The following TBCK variants were observed in gnomAD, a reference collection of about 807,000 sequenced individuals.
The protein encoded by TBCK is TBC domain-containing protein kinase-like protein.
A neutral mutation model predicts 113.4 loss-of-function variants in TBCK; 99 were observed. The ratio of observed to expected loss-of-function variants is 0.87; its 90% CI spans 0.74 to 1.03. The LOEUF is 1.03. TBCK is among the 50% of genes least tolerant of loss of function. TBCK has a pLI of 0.00. For synonymous variants in TBCK, 369 were observed against 370.8 expected, an observed-to-expected ratio of 1.00 and a Z score of 0.05; for missense variants, 1,045 against 1,061.3, an observed-to-expected ratio of 0.98 and a Z score of 0.21.
chr4:106,248,777 C>T (rs923761523), intron 8 of TBCK, 144 bp downstream of exon 8: 26 of 627,466 alleles, frequency 4.1e-5, no homozygotes, highest in African/African-American at 1.3e-4. Flanking sequence ...CCTCACCAGA[C>T]GACCAAACGT....
chr4:106,100,326 C>G (rs1741406839), intron 24 of TBCK, among the ~76,000 whole-genome samples: 1 of 152,076 alleles, frequency 6.6e-6, no homozygotes, highest in African/African-American at 2.4e-5. Flanking sequence ...CCTGGAGTAA[C>G]TAGTATCGGC....
In TBCK at chr4:106,277,466, G is replaced by A. The variant is rs748024626; in HGVS notation, c.267-15254C>T. Among the ~76,000 whole-genome samples, 6 of 151,914 alleles carry A rather than the reference G, an allele frequency of 3.9e-5. No individual in the cohort carries two copies. In the South Asian group the frequency reaches 6.2e-4, roughly 16 times the overall value. ...CCAAGAAGTTCAACAAGAGAAAATT[G>A]AAAAACAAATATATTTATAAAACAC... On this transcript the variant is annotated intron_variant, in intron 3 of 25. Transcript: ENST00000394708.
chr4:106,211,761 C>A (rs1429466557), intron 20 of TBCK, among the ~76,000 whole-genome samples: 1 of 151,950 alleles, frequency 6.6e-6, no homozygotes, highest in Non-Finnish European at 1.5e-5. Context: ...ACTCCTGTAA[C>A]CCTACATAAT....
chr4:106,300,761 A>G (rs1471323025), intron 2 of TBCK, among the ~76,000 whole-genome samples: 4 of 152,172 alleles, frequency 2.6e-5, no homozygotes, highest in Non-Finnish European at 4.4e-5. Context: ...AAATTATCCT[A>G]GATAATCAGG....
At chr4:106,162,631 T>A (rs2149711200) in intron 23 of TBCK, among the ~76,000 whole-genome samples, 1 of 152,324 alleles carries the variant, frequency 6.6e-6, no homozygotes, top group Non-Finnish European at 1.5e-5. Context: ...TTTTGACTTC[T>A]ATGCACCAAC....
intron 19 of TBCK, among the ~76,000 whole-genome samples, chr4:106,221,232 G>A (rs962128516): frequency 2.6e-5 from 4 of 152,054 alleles, no homozygotes; most frequent in African/African-American, 2.4e-5. Context: ...TGATCTGCCC[G>A]GCTTGGCCTC....
chr4:106,211,654 T>A (rs1756146650), intron 20 of TBCK, among the ~76,000 whole-genome samples: 1 of 151,950 alleles, frequency 6.6e-6, no homozygotes, highest in South Asian at 2.1e-4. Context: ...TTAAACATGA[T>A]CACATAATAT....
chr4:106,159,323 C>T (rs1398196703), intron 23 of TBCK, among the ~76,000 whole-genome samples: 2 of 151,956 alleles, frequency 1.3e-5, no homozygotes, highest in Non-Finnish European at 2.9e-5. Flanking sequence ...AAGCCATCCA[C>T]TGAAAAGTAA....
chr4:106,212,915 T>C (rs1756334304), intron 19 of TBCK, 80 bp from the exon 20 acceptor site: 1 of 898,696 alleles, frequency 1.1e-6, no homozygotes, highest in Non-Finnish European at 1.8e-6. Context: ...GTTTTATTTA[T>C]ACATTGAATG....
chr4:106,159,456 A>T (rs939901013), intron 23 of TBCK, among the ~76,000 whole-genome samples: 2 of 152,144 alleles, frequency 1.3e-5, no homozygotes, highest in African/African-American at 4.8e-5. Flanking sequence ...AGAAAAAAAT[A>T]GACAAAAATC....
chr4:106,220,892 T>C (rs1348064201), intron 19 of TBCK, among the ~76,000 whole-genome samples: 5 of 152,174 alleles, frequency 3.3e-5, no homozygotes, highest in Non-Finnish European at 7.3e-5. Context: ...GCCAGAGATA[T>C]GTGACATCAA....
chr4:106,050,637 A>T (rs1734702767), intron 25 of TBCK, among the ~76,000 whole-genome samples: 1 of 152,054 alleles, frequency 6.6e-6, no homozygotes, highest in African/African-American at 2.4e-5. Context: ...TTCTCAACTG[A>T]TTAATAATGA....
Position 106,152,983 on chromosome 4 carries a change from T to C in TBCK, c.2235+18112A>G, listed in dbSNP as rs569411330. Among the ~76,000 whole-genome samples the C allele has an allele frequency of 2.0e-5, 3 of 152,232 alleles. No individual in the cohort carries two copies. In the South Asian group the frequency reaches 6.2e-4, roughly 32 times the overall value. On this transcript the variant is annotated intron_variant, in intron 23 of 25. Coordinates refer to ENST00000394708, the MANE Select transcript of TBCK (RefSeq NM_001163435.3). ...GTTTTTTGGTTAGTCTGGCTAAACA[T>C]TTGTTAATTTTGTTTAACTTTTCAA...
intron 22 of TBCK, among the ~76,000 whole-genome samples, chr4:106,172,003 T>C (rs1751088324): frequency 6.6e-6 from 1 of 152,080 alleles, no homozygotes; most frequent in South Asian, 2.1e-4. Context: ...GCTAATTTTT[T>C]GTATTTTTAG....
chr4:106,272,243 T>A (rs1298274248), intron 3 of TBCK, among the ~76,000 whole-genome samples: 1 of 152,170 alleles, frequency 6.6e-6, no homozygotes, highest in Non-Finnish European at 1.5e-5. Context: ...CCAGTACAGC[T>A]ATGTGGTAAA....
At chr4:106,086,102 T>C (rs1045460977) in intron 25 of TBCK, among the ~76,000 whole-genome samples, 12 of 151,236 alleles carry the variant, frequency 7.9e-5, no homozygotes, top group Non-Finnish European at 1.5e-4. Flanking sequence ...AAAAGAAGAA[T>C]TGAAGGAGAT....
At position 106,203,713 on chromosome 4, in the gene TBCK, G is replaced by C. The variant is rs528253243; in HGVS notation, c.1861-8959C>G. ...GATCTACATTATCATTTTTGGGAAA[G>C]ATGAGCTATTATTCCAGAATATATT... is the stretch of plus-strand genomic sequence containing the variant. On this transcript the variant is annotated intron_variant, in intron 20 of 25. Coordinates refer to ENST00000394708, the MANE Select transcript of TBCK (RefSeq NM_001163435.3). 2.0e-5 allele frequency among the ~76,000 whole-genome samples: 3 copies of C among 152,026 alleles called. No homozygotes were observed. The South Asian group carries it at 6.2e-4, about 32-fold the overall frequency.
chr4:106,188,163 T>C (rs1417161717), intron 22 of TBCK, among the ~76,000 whole-genome samples: 2 of 152,220 alleles, frequency 1.3e-5, no homozygotes, highest in Non-Finnish European at 2.9e-5. Flanking sequence ...TTTTTGCCCA[T>C]TCAGCCTCAT....
chr4:106,104,100 G>T (rs543502212), intron 24 of TBCK, among the ~76,000 whole-genome samples: 3 of 152,318 alleles, frequency 2.0e-5, no homozygotes, highest in African/African-American at 7.2e-5. Context: ...CATAGGTGGA[G>T]ACCCTGAAGC....
Sources: gnomAD v4.1 joint callset for allele counts (sites outside exome capture counted in the v4.1 genomes callset) on GRCh38, gnomAD v4.1.1 for gene constraint, MANE v1.5 for transcripts, NCBI Gene and HGNC (gene_info 2026-07-23, HGNC 2026-07-21) for gene names.